Variants in SRBD1 observed in about 807,000 individuals in gnomAD.
The protein encoded by SRBD1 is S1 RNA-binding domain-containing protein 1.
Under a neutral mutation model 115.3 loss-of-function variants are expected in SRBD1, and 88 were observed. That is an observed-to-expected ratio of 0.76 (90% CI 0.64 to 0.91). SRBD1 has a LOEUF of 0.91. Among genes scored for constraint, SRBD1 ranks in the 40% least tolerant of loss-of-function variants. The probability of loss-of-function intolerance (pLI) is 0.00; values close to 1 mark genes in which losing one functional copy is unlikely to be tolerated. For missense variants in SRBD1, 1,385 were observed against 1,177.4 expected, an observed-to-expected ratio of 1.18 and a Z score of -2.58; for synonymous variants, 509 against 407.7, an observed-to-expected ratio of 1.25 and a Z score of -2.99.
At chr2:45,503,849 T>C (rs1255763613) in intron 14 of SRBD1, among the ~76,000 whole-genome samples, 1 of 152,192 alleles carries the variant, frequency 6.6e-6, no homozygotes, top group Admixed American at 6.5e-5. Flanking sequence ...ATATGAATGC[T>C]ATTTCTATAA....
chr2:45,539,846 T>C (rs1395015299), intron 14 of SRBD1, among the ~76,000 whole-genome samples: 2 of 151,946 alleles, frequency 1.3e-5, no homozygotes, highest in Non-Finnish European at 2.9e-5. Context: ...AAAGAAAGCA[T>C]CACAAAGCAG....
intron 4 of SRBD1, 64 bp downstream of exon 4, chr2:45,599,385 C>A (rs972184224): frequency 9.9e-5 from 151 of 1,524,874 alleles, no homozygotes; most frequent in Non-Finnish European, 1.2e-4. Flanking sequence ...ACAGTACAAC[C>A]CCTATGCTAG....
intron 18 of SRBD1, among the ~76,000 whole-genome samples, chr2:45,413,610 G>A (rs1322940982): frequency 6.6e-6 from 1 of 152,166 alleles, no homozygotes; most frequent in African/African-American, 2.4e-5. Context: ...AATCTATTGA[G>A]TGTAGAACAG....
At chr2:45,597,386 C>T (rs948646118) in intron 4 of SRBD1, among the ~76,000 whole-genome samples, 2 of 150,506 alleles carry the variant, frequency 1.3e-5, no homozygotes, top group Non-Finnish European at 2.9e-5. Context: ...CGCCACTGTA[C>T]TTCAGCCTGG....
intron 16 of SRBD1, among the ~76,000 whole-genome samples, chr2:45,463,710 C>A (rs538673638): frequency 6.6e-6 from 1 of 152,182 alleles, no homozygotes; most frequent in African/African-American, 2.4e-5. Flanking sequence ...ATAATTATAT[C>A]CCAAAATTTA....
At chr2:45,435,610 C>A (rs75046160) in intron 16 of SRBD1, among the ~76,000 whole-genome samples, 2,163 of 151,328 alleles carry the variant, frequency 0.014, 56 homozygotes, top group African/African-American at 0.048. Context: ...TTGGCAGCTA[C>A]CCAGAGATTC....
intron 14 of SRBD1, among the ~76,000 whole-genome samples, chr2:45,523,271 G>C (rs1467040795): frequency 7.5e-6 from 1 of 132,572 alleles, no homozygotes. Flanking sequence ...CACCCAAAAC[G>C]CTGGAAAAAA....
chr2:45,446,342 A>C (rs541671941), intron 16 of SRBD1, among the ~76,000 whole-genome samples: 14 of 152,142 alleles, frequency 9.2e-5, no homozygotes, highest in Non-Finnish European at 1.8e-4. Flanking sequence ...TGAGACCCTA[A>C]GTCCCCATTA....
intron 10 of SRBD1, among the ~76,000 whole-genome samples, chr2:45,559,795 C>T (rs770420263): frequency 1.3e-5 from 2 of 152,014 alleles, no homozygotes; most frequent in Non-Finnish European, 1.5e-5. Flanking sequence ...AGTTTCAGGC[C>T]GGGCATGGTG....
chr2:45,400,608 T>C (rs887749942), intron 19 of SRBD1, among the ~76,000 whole-genome samples: 3 of 151,914 alleles, frequency 2.0e-5, no homozygotes, highest in African/African-American at 7.3e-5. Context: ...CCATTGTAAC[T>C]CTCCCCCACT....
intron 14 of SRBD1, among the ~76,000 whole-genome samples, chr2:45,515,385 C>G (rs1671088936): frequency 6.6e-6 from 1 of 152,140 alleles, no homozygotes; most frequent in Non-Finnish European, 1.5e-5. Context: ...CACAGACAGT[C>G]TTACTCAAGA....
chr2:45,463,023 G>C (rs867615225), intron 16 of SRBD1, among the ~76,000 whole-genome samples: 18 of 135,818 alleles, frequency 1.3e-4, no homozygotes, highest in South Asian at 4.9e-4. Flanking sequence ...AACCCGGGGG[G>C]GGGGGGGGAA....
intron 14 of SRBD1, among the ~76,000 whole-genome samples, chr2:45,523,991 G>C (rs1042224626): frequency 1.1e-4 from 16 of 151,962 alleles, no homozygotes; most frequent in Admixed American, 9.8e-4. Context: ...ATGCAAGACT[G>C]ATTCAACAAC....
chr2:45,514,025 T>A (rs565393870), intron 14 of SRBD1, among the ~76,000 whole-genome samples: 3 of 152,252 alleles, frequency 2.0e-5, no homozygotes, highest in African/African-American at 7.2e-5. Flanking sequence ...AGTTTTCAGT[T>A]CAGTTTCCTC....
At chr2:45,445,455 T>G (rs149957014) in intron 16 of SRBD1, among the ~76,000 whole-genome samples, 100 of 148,082 alleles carry the variant, frequency 6.8e-4, no homozygotes, top group African/African-American at 2.4e-3. Context: ...GAACCAAAAT[T>G]AATTTTAGAG....
intron 4 of SRBD1, among the ~76,000 whole-genome samples, chr2:45,590,590 G>T (rs552456350): frequency 3.3e-5 from 5 of 152,260 alleles, no homozygotes; most frequent in South Asian, 4.1e-4. Flanking sequence ...TAATGGTTTT[G>T]TAAGTGTCTG....
At chr2:45,568,582 C>T (rs1672909665) in intron 9 of SRBD1, among the ~76,000 whole-genome samples, 1 of 152,180 alleles carries the variant, frequency 6.6e-6, no homozygotes, top group Non-Finnish European at 1.5e-5. Context: ...AATACTGTCA[C>T]ACCCAGAAGC....
At chr2:45,584,385 T>C (rs1673452972) in intron 5 of SRBD1, among the ~76,000 whole-genome samples, 1 of 152,232 alleles carries the variant, frequency 6.6e-6, no homozygotes, top group Non-Finnish European at 1.5e-5. Flanking sequence ...TTTAGTCATT[T>C]ATATTTTTAC....
chr2:45,404,446 G>A (rs1667373155), intron 19 of SRBD1, among the ~76,000 whole-genome samples: 1 of 152,086 alleles, frequency 6.6e-6, no homozygotes, highest in African/African-American at 2.4e-5. Flanking sequence ...CTCCAATACA[G>A]TGAGTTTCCA....
Sources: gnomAD v4.1 joint callset for allele counts (sites outside exome capture counted in the v4.1 genomes callset) on GRCh38, gnomAD v4.1.1 for gene constraint, MANE v1.5 for transcripts, NCBI Gene and HGNC (gene_info 2026-07-23, HGNC 2026-07-21) for gene names.